C1QTNF7: variants seen among roughly 807,000 people sequenced by gnomAD.
C1QTNF7 encodes the protein C1q and TNF related 7.
A neutral mutation model predicts 19.6 loss-of-function variants in C1QTNF7; 15 were observed. The ratio of observed to expected loss-of-function variants is 0.76; its 90% CI spans 0.51 to 1.18. C1QTNF7 has a LOEUF of 1.18. C1QTNF7 is among the 50% of genes most tolerant of loss of function. The pLI is 0.00. For missense variants in C1QTNF7, 324 were observed against 359.7 expected (o/e 0.90, Z 0.80); for synonymous variants, 142 against 137.5 (o/e 1.03, Z -0.23).
At chr4:15,374,742 C>T in intron 1 of C1QTNF7, 1 of 985,354 alleles carries the variant, frequency 1.0e-6, no homozygotes, top group East Asian at 1.1e-4. Flanking sequence ...TTCAAAGACT[C>T]CAGCTGTTGG....
rs558870508 is a variant in C1QTNF7 at position 15,442,243 on chromosome 4, C to T, written c.314C>T (p.Pro105Leu). Residue 105 changes from proline to leucine, a missense_variant, in exon 3 of 3, where the codon CCC becomes CTC. Transcript: ENST00000444304. Reference protein sequence around the residue: ...GDQGETGKKGPIGPEGEKGEV... With the variant: ...GDQGETGKKGLIGPEGEKGEV... ...CAAGGAGAGACTGGGAAGAAAGGAC[C>T]CATAGGACCAGAGGGAGAGAAAGGA... 1.1e-4 allele frequency: 183 copies of T among 1,613,932 alleles called. No homozygotes were observed. The South Asian group carries it at 1.7e-3, about 15-fold the overall frequency.
At chr4:15,344,536 C>A (rs1716650189) in intron 1 of C1QTNF7, among the ~76,000 whole-genome samples, 1 of 152,152 alleles carries the variant, frequency 6.6e-6, no homozygotes, top group Non-Finnish European at 1.5e-5. Flanking sequence ...CTCAGTTTAA[C>A]CCCTGTAAAA....
At chr4:15,414,217 A>G (rs1719508286) in intron 1 of C1QTNF7, among the ~76,000 whole-genome samples, 1 of 152,238 alleles carries the variant, frequency 6.6e-6, no homozygotes, top group African/African-American at 2.4e-5. Flanking sequence ...TTATTTTAAA[A>G]ATTCATGATC....
intron 1 of C1QTNF7, among the ~76,000 whole-genome samples, chr4:15,365,544 C>T (rs1270275369): frequency 6.6e-6 from 1 of 152,200 alleles, no homozygotes; most frequent in Non-Finnish European, 1.5e-5. Flanking sequence ...TTAGTCACAA[C>T]TCTTTTGGTT....
intron 1 of C1QTNF7, among the ~76,000 whole-genome samples, chr4:15,366,770 C>G (rs1314364448): frequency 6.6e-6 from 1 of 152,168 alleles, no homozygotes; most frequent in Non-Finnish European, 1.5e-5. Flanking sequence ...AAGCAAGCCT[C>G]AGTAAATATC....
rs111558218 is a variant in C1QTNF7 at position 15,432,723 on chromosome 4, C to T, written c.-8-3013C>T. ...TCCTCAATTCTGATAAGGATTTTTA[C>T]GGAATAATCACTTTGAGTGCCTTTT... is the stretch of plus-strand genomic sequence containing the variant. On this transcript the variant is annotated intron_variant, in intron 1 of 2. Transcript: ENST00000444304. Among the ~76,000 whole-genome samples, 142 of 152,272 alleles carry T rather than the reference C, an allele frequency of 9.3e-4. 1 individual carries two copies. The highest frequency in any genetic ancestry group is 3.2e-3 in the African/African-American group (133 of 41,562).
chr4:15,356,904 G>C (rs574023870), intron 1 of C1QTNF7, among the ~76,000 whole-genome samples: 5 of 149,268 alleles, frequency 3.3e-5, no homozygotes, highest in Admixed American at 6.6e-5. Flanking sequence ...CTTTTGAGAA[G>C]TGTCTGTTCA....
At chr4:15,408,275 C>CAAAAAAA (rs71179625) in intron 1 of C1QTNF7, among the ~76,000 whole-genome samples, 1 of 78,442 alleles carries the variant, frequency 1.3e-5, no homozygotes, top group Non-Finnish European at 2.4e-5. Context: ...GACTCTGTCT[C>CAAAAAAA]AAAAAAAAAA....
chr4:15,373,327 G>A (rs567747370), intron 1 of C1QTNF7, among the ~76,000 whole-genome samples: 2 of 152,290 alleles, frequency 1.3e-5, no homozygotes, highest in African/African-American at 4.8e-5. Flanking sequence ...TCCCATTCAC[G>A]AGAGCCCTGC....
chr4:15,383,412 T>C (rs1241553045), intron 1 of C1QTNF7, among the ~76,000 whole-genome samples: 1 of 152,128 alleles, frequency 6.6e-6, no homozygotes, highest in Non-Finnish European at 1.5e-5. Context: ...CCTGAAAAAT[T>C]TTCCTGGAAG....
chr4:15,341,498 C>T (rs919719846), intron 1 of C1QTNF7, among the ~76,000 whole-genome samples: 1 of 152,200 alleles, frequency 6.6e-6, no homozygotes, highest in African/African-American at 2.4e-5. Flanking sequence ...ACACTTTGCT[C>T]ATTGCAGAGT....
chr4:15,437,428 A>G lies in C1QTNF7; in HGVS notation c.238+1447A>G, dbSNP rs148527102. 2.0e-3 allele frequency among the ~76,000 whole-genome samples: 305 copies of G among 152,274 alleles called. 1 individual carries two copies. The highest frequency in any genetic ancestry group is 0.015 in the South Asian group (70 of 4,824). ...CTGCCATGTGATAAAAACTCAGTAAATGTTATAACTTATTAAATTCTGATC... is the reference window on the plus strand; with the variant it reads ...CTGCCATGTGATAAAAACTCAGTAAGTGTTATAACTTATTAAATTCTGATC... On this transcript the variant is annotated intron_variant, in intron 2 of 2. Transcript: ENST00000444304.
chr4:15,423,359 C>A (rs926204055), upstream of C1QTNF7, among the ~76,000 whole-genome samples: 1 of 152,196 alleles, frequency 6.6e-6, no homozygotes, highest in African/African-American at 2.4e-5. Context: ...GTGCCTGGCA[C>A]ACACAGGGGT....
chr4:15,413,191 T>C (rs1719467962), intron 1 of C1QTNF7, among the ~76,000 whole-genome samples: 2 of 152,212 alleles, frequency 1.3e-5, no homozygotes, highest in African/African-American at 4.8e-5. Flanking sequence ...GCACACAACC[T>C]CCATAGCCAT....
intron 1 of C1QTNF7, among the ~76,000 whole-genome samples, chr4:15,365,648 T>A (rs765400281): frequency 3.9e-5 from 6 of 152,186 alleles, no homozygotes; most frequent in Non-Finnish European, 7.3e-5. Context: ...GTTAGCTTCA[T>A]GTGTGTAGGA....
At chr4:15,433,611 A>G (rs1022588126) in intron 1 of C1QTNF7, among the ~76,000 whole-genome samples, 1 of 152,236 alleles carries the variant, frequency 6.6e-6, no homozygotes, top group Non-Finnish European at 1.5e-5. Flanking sequence ...CTTCCTGTCA[A>G]ATAGCAACAA....
chr4:15,384,172 G>T (rs1015944999), intron 1 of C1QTNF7, among the ~76,000 whole-genome samples: 2 of 152,176 alleles, frequency 1.3e-5, no homozygotes, highest in Non-Finnish European at 1.5e-5. Context: ...TCTCTAGGAG[G>T]TTGAACCTGG....
chr4:15,357,638 G>C lies in C1QTNF7; in HGVS notation c.13+17431G>C, dbSNP rs149837533. 2.3e-3 allele frequency among the ~76,000 whole-genome samples: 343 copies of C among 152,286 alleles called. 3 individuals are homozygous for C. The highest frequency in any genetic ancestry group is 7.9e-3 in the African/African-American group (330 of 41,558). ...CTGTGAAGAAAGTCAGTGGTAGCTT[G>C]ATGGGAATATCATTGAATCTTTAAG... On this transcript the variant is annotated intron_variant, in intron 1 of 2. Transcript: ENST00000295297.
chr4:15,420,855 T>TA (rs1553890373), intron 1 of C1QTNF7, among the ~76,000 whole-genome samples: 3 of 147,062 alleles, frequency 2.0e-5, no homozygotes, highest in Non-Finnish European at 3.0e-5. Flanking sequence ...TTTTTTTTTT[T>TA]ACCAAACCTC....
Sources: gnomAD v4.1 joint callset for allele counts (sites outside exome capture counted in the v4.1 genomes callset) on GRCh38, gnomAD v4.1.1 for gene constraint, MANE v1.5 for transcripts, NCBI Gene and HGNC (gene_info 2026-07-23, HGNC 2026-07-21) for gene names.